The following SGF29 variants were observed in gnomAD, a reference collection of about 807,000 sequenced individuals.
SGF29 encodes SAGA-associated factor 29.
A neutral mutation model predicts 38.1 loss-of-function variants in SGF29; 15 were observed. The ratio of observed to expected loss-of-function variants is 0.39; its 90% CI spans 0.26 to 0.61. The LOEUF is 0.61. SGF29 is among the 20% of genes least tolerant of loss of function. The pLI is 0.49. For missense variants in SGF29, 184 were observed against 394.6 expected (o/e 0.47, Z 4.52); for synonymous variants, 151 against 160.8 (o/e 0.94, Z 0.46).
chr16:28,569,056 C>T lies in SGF29; in HGVS notation c.-15-11999C>T, dbSNP rs532425121. Among the ~76,000 whole-genome samples, 6 of 152,262 alleles carry T rather than the reference C, an allele frequency of 3.9e-5. No homozygotes were observed. In the East Asian group the frequency reaches 1.2e-3, roughly 29 times the overall value. On this transcript the variant is annotated intron_variant, in intron 1 of 9. Transcript: ENST00000317058. The stretch of plus-strand genomic sequence containing the variant: ...TGAGCCGAGATCACACCATTACACT[C>T]CAGCCTGGGCAACAAGAGCGAAACT...
At chr16:28,569,278 G>C (rs1450236106) in intron 1 of SGF29, among the ~76,000 whole-genome samples, 4 of 152,150 alleles carry the variant, frequency 2.6e-5, no homozygotes, top group Non-Finnish European at 5.9e-5. Context: ...TGTGAGAAGA[G>C]AGAAACAAAC....
intron 1 of SGF29, among the ~76,000 whole-genome samples, chr16:28,565,336 A>T (rs890814326): frequency 8.5e-5 from 13 of 152,266 alleles, no homozygotes; most frequent in African/African-American, 3.1e-4. Flanking sequence ...GTTACCTAGG[A>T]TTAACCATCA....
intron 1 of SGF29, among the ~76,000 whole-genome samples, chr16:28,566,260 C>T (rs1331733594): frequency 6.8e-6 from 1 of 146,504 alleles, no homozygotes; most frequent in Non-Finnish European, 1.5e-5. Flanking sequence ...GGCAACAGAT[C>T]AAGACTCTGT....
At chr16:28,568,322 A>AAAAAAAAAAAAAAAAAAAT in intron 1 of SGF29, among the ~76,000 whole-genome samples, 1 of 151,444 alleles carries the variant, frequency 6.6e-6, no homozygotes, top group African/African-American at 2.4e-5. Context: ...TCAAAAAAAA[A>AAAAAAAAAAAAAAAAAAAT]AAAAAAAAAA....
chr16:28,570,728 C>T (rs150231301), intron 1 of SGF29, among the ~76,000 whole-genome samples: 5 of 152,034 alleles, frequency 3.3e-5, no homozygotes, highest in African/African-American at 1.2e-4. Flanking sequence ...CAGGTGCCTG[C>T]CATCATGCCC....
chr16:28,568,596 TG>T (rs906413970), intron 1 of SGF29, among the ~76,000 whole-genome samples: 30 of 73,860 alleles, frequency 4.1e-4, no homozygotes, highest in African/African-American at 8.8e-4. Flanking sequence ...AAGGGGTGGT[TG>T]GGGGGGGCTC....
chr16:28,569,932 G>C (rs2046855134), intron 1 of SGF29, among the ~76,000 whole-genome samples: 2 of 152,206 alleles, frequency 1.3e-5, no homozygotes, highest in African/African-American at 4.8e-5. Context: ...CGCTGTCTTT[G>C]CTGGTGCACA....
In SGF29 at chr16:28,591,637, T is replaced by G; in HGVS notation, c.813T>G (p.Asp271Glu). ...TGTTTGAAGACACCTCCTATGCAGA[T>G]GGCTATTCCCCTCCCCTCAATGTGG... ...SVLFEDTSYA[D>E]GYSPPLNVAQ... Residue 271 changes from aspartate (D) to glutamate (E), a missense_variant, in exon 10 of 10, where the codon GAT (aspartate) becomes GAG (glutamate). Around this residue, in one of 2 missense-constraint regions of SGF29, gnomAD observed 107 missense variants for 276.9 expected, o/e 0.39. Coordinates refer to ENST00000317058, the MANE Select transcript of SGF29 (RefSeq NM_138414.3). The G allele has an allele frequency of 6.2e-7, 1 of 1,614,138 alleles. No individual in the cohort carries two copies. Among genetic ancestry groups the G allele is most frequent in the Non-Finnish European group, 8.5e-7 (1 of 1,179,992 alleles).
intron 1 of SGF29, among the ~76,000 whole-genome samples, chr16:28,574,159 A>C (rs1158898967): frequency 6.6e-6 from 1 of 152,230 alleles, no homozygotes; most frequent in Non-Finnish European, 1.5e-5. Context: ...GTGGAAGTTC[A>C]TTAAGAAGCT....
chr16:28,556,048 T>C (rs2046748782), intron 1 of SGF29, among the ~76,000 whole-genome samples: 1 of 152,220 alleles, frequency 6.6e-6, no homozygotes, highest in Non-Finnish European at 1.5e-5. Context: ...GTTATCTATT[T>C]TATAGGATTG....
At position 28,590,168 on chromosome 16, in the gene SGF29, C is replaced by T; in HGVS notation, c.362C>T (p.Thr121Ile). 1 of 1,611,298 alleles carries T rather than the reference C, an allele frequency of 6.2e-7. No homozygotes were observed. The highest frequency in any genetic ancestry group is 8.5e-7 in the Non-Finnish European group (1 of 1,179,044). The change falls in exon 6 of 10, where the codon ACC (threonine) becomes ATC (isoleucine). Residue 121 changes from threonine to isoleucine, a missense_variant. Transcript: ENST00000317058. The surrounding 1 kb of genome is among the most constrained non-coding windows in gnomAD (Gnocchi z 8.2). ...ACCATGCGCAGAGGGGTGCTGATGA[C>T]CCTGCTGCAGCAGTCGGCCATGACC... ...RKTMRRGVLM[T>I]LLQQSAMTLP... is the part of the protein sequence containing the mutation.
chr16:28,582,891 CA>C (rs1377634982), intron 2 of SGF29, among the ~76,000 whole-genome samples: 1 of 152,094 alleles, frequency 6.6e-6, no homozygotes, highest in African/African-American at 2.4e-5. Flanking sequence ...GCCAAGATCG[CA>C]CCACTGCACT....
chr16:28,564,559 A>ATATACG (rs1435847788), intron 1 of SGF29, among the ~76,000 whole-genome samples: 4 of 134,464 alleles, frequency 3.0e-5, no homozygotes, highest in East Asian at 2.0e-4. Context: ...ACGTATATAT[A>ATATACG]TATATACGTA....
chr16:28,558,088 A>T (rs1438480506), intron 1 of SGF29, among the ~76,000 whole-genome samples: 1 of 137,514 alleles, frequency 7.3e-6, no homozygotes, highest in Non-Finnish European at 1.5e-5. Context: ...GGACTACAGG[A>T]GTCCACCACC....
intron 2 of SGF29, among the ~76,000 whole-genome samples, chr16:28,581,639 G>A (rs931886066): frequency 2.6e-5 from 4 of 151,926 alleles, no homozygotes; most frequent in African/African-American, 9.7e-5. Context: ...GGGTTCAAGC[G>A]ATTCTTCTGC....
chr16:28,569,889 G>A (rs969407287), intron 1 of SGF29, among the ~76,000 whole-genome samples: 3 of 152,154 alleles, frequency 2.0e-5, no homozygotes, highest in Admixed American at 2.0e-4. Flanking sequence ...GTGCTCCTTG[G>A]CAGCCCGAGG....
At chr16:28,555,327 T>C (rs2046743197) in intron 1 of SGF29, among the ~76,000 whole-genome samples, 1 of 151,528 alleles carries the variant, frequency 6.6e-6, no homozygotes, top group South Asian at 2.1e-4. Flanking sequence ...AATTAAAAAA[T>C]TAGCCGGGCG....
At chr16:28,566,213 G>T (rs936334908) in intron 1 of SGF29, among the ~76,000 whole-genome samples, 7 of 151,586 alleles carry the variant, frequency 4.6e-5, no homozygotes, top group Non-Finnish European at 1.0e-4. Flanking sequence ...GGCAGAGCTT[G>T]CAGTGAGCCA....
At chr16:28,588,496 G>C (rs1011901225) in intron 4 of SGF29, 1 of 351,386 alleles carries the variant, frequency 2.8e-6, no homozygotes, top group African/African-American at 2.2e-5. Context: ...CTTAGTTTTT[G>C]GCATGCTGCT....
Sources: gnomAD v4.1 joint callset for allele counts (sites outside exome capture counted in the v4.1 genomes callset) on GRCh38, gnomAD v4.1.1 for gene constraint, gnomAD v4.1.1 regional missense constraint, Gnocchi (gnomAD v3.1) non-coding constraint, MANE v1.5 for transcripts, NCBI Gene and HGNC (gene_info 2026-07-23, HGNC 2026-07-21) for gene names.